The following CDYL variants were observed in gnomAD, a reference collection of about 807,000 sequenced individuals.
The protein encoded by CDYL is chromodomain Y-like protein.
CDYL carries 8 observed loss-of-function variants against 47.3 expected under a neutral mutation model. That is an observed-to-expected ratio of 0.17 (90% confidence interval 0.10 to 0.31). CDYL has a LOEUF of 0.31. CDYL is among the 10% of genes least tolerant of loss of function. CDYL has a pLI of 1.00. For synonymous variants in CDYL, 266 were observed against 265.0 expected (o/e 1.00, Z -0.04); for missense variants, 471 against 701.4 (o/e 0.67, Z 3.71).
chr6:4,923,040 A>G (rs1757763930), intron 2 of CDYL, among the ~76,000 whole-genome samples: 3 of 152,340 alleles, frequency 2.0e-5, no homozygotes, highest in Middle Eastern at 6.8e-3. Context: ...TGTAATGACC[A>G]AATCCATCAC....
intron 2 of CDYL, among the ~76,000 whole-genome samples, chr6:4,903,647 G>T (rs962240493): frequency 6.6e-6 from 1 of 152,188 alleles, no homozygotes; most frequent in African/African-American, 2.4e-5. Context: ...TCTGGCCCCA[G>T]TGGAGCCCCA....
At chr6:4,757,315 G>T (rs776406784) in intron 3 of CDYL, among the ~76,000 whole-genome samples, 1 of 152,040 alleles carries the variant, frequency 6.6e-6, no homozygotes, top group East Asian at 1.9e-4. Flanking sequence ...TTTTTGTGTG[G>T]GTTAACATTT....
chr6:4,724,123 C>T (rs1254180172), intron 2 of CDYL, among the ~76,000 whole-genome samples: 1 of 152,220 alleles, frequency 6.6e-6, no homozygotes, highest in Non-Finnish European at 1.5e-5. Flanking sequence ...TCACTATAAC[C>T]TTGACCTCCT....
At chr6:4,946,812 C>T (rs1581290006) in intron 5 of CDYL, among the ~76,000 whole-genome samples, 2 of 152,144 alleles carry the variant, frequency 1.3e-5, no homozygotes, top group African/African-American at 4.8e-5. Flanking sequence ...ATGGCCCCAC[C>T]GGCTGTGCTG....
At chr6:4,819,112 TTCGTTC>T (rs1759751900) in intron 1 of CDYL, among the ~76,000 whole-genome samples, 1 of 86,430 alleles carries the variant, frequency 1.2e-5, no homozygotes, top group African/African-American at 4.0e-5. Flanking sequence ...TCTTTTTAGG[TTCGTTC>T]TCTCTCTCTC....
chr6:4,867,103 T>C (rs1411071725), intron 1 of CDYL, among the ~76,000 whole-genome samples: 2 of 152,162 alleles, frequency 1.3e-5, no homozygotes, highest in African/African-American at 2.4e-5. Flanking sequence ...ACAGATATCT[T>C]TTTTTGTTCA....
chr6:4,863,146 A>T (rs1761220548), intron 1 of CDYL, among the ~76,000 whole-genome samples: 1 of 152,208 alleles, frequency 6.6e-6, no homozygotes, highest in Non-Finnish European at 1.5e-5. Flanking sequence ...GGAACTAAAC[A>T]GTGGGTACGC....
intron 1 of CDYL, among the ~76,000 whole-genome samples, chr6:4,817,475 C>CT (rs935807023): frequency 2.0e-5 from 3 of 152,136 alleles, no homozygotes; most frequent in Non-Finnish European, 4.4e-5. Flanking sequence ...CGAGCCACCA[C>CT]TAGACAGTAC....
intron 2 of CDYL, chr6:4,734,690 T>C (rs1582294000): frequency 1.3e-6 from 2 of 1,584,828 alleles, no homozygotes; most frequent in Non-Finnish European, 1.7e-6. Context: ...GGGATGGGGA[T>C]GGAGGGAAGA....
chr6:4,870,263 A>G (rs1761436865), intron 1 of CDYL, among the ~76,000 whole-genome samples: 4 of 152,174 alleles, frequency 2.6e-5, no homozygotes, highest in Admixed American at 2.6e-4. Flanking sequence ...ATTTTTGAAG[A>G]ATAGTTTTGC....
intron 5 of CDYL, among the ~76,000 whole-genome samples, chr6:4,946,149 C>T (rs1581289147): frequency 1.3e-5 from 2 of 152,296 alleles, no homozygotes; most frequent in East Asian, 3.9e-4. Flanking sequence ...GTTGAGGCCC[C>T]TCTGGCCAGC....
chr6:4,890,072 C>T (rs913445959), intron 1 of CDYL: 31 of 985,284 alleles, frequency 3.1e-5, no homozygotes, highest in African/African-American at 3.5e-5. Context: ...GGAAAGCAAA[C>T]GGGAATACTC....
chr6:4,788,189 T>C (rs1280138989), intron 1 of CDYL, among the ~76,000 whole-genome samples: 1 of 152,018 alleles, frequency 6.6e-6, no homozygotes, highest in African/African-American at 2.4e-5. Context: ...TTTGGTGAAC[T>C]GTTTAAAAAG....
chr6:4,947,569 G>C (rs1758561996), intron 5 of CDYL, among the ~76,000 whole-genome samples: 1 of 152,138 alleles, frequency 6.6e-6, no homozygotes, highest in African/African-American at 2.4e-5. Context: ...CCTGTGCCAG[G>C]TACTGTGGCT....
chr6:4,716,001 C>T (rs1757250788), intron 2 of CDYL: 2 of 1,432,238 alleles, frequency 1.4e-6, no homozygotes, highest in East Asian at 2.6e-5. Context: ...ATAATCCCAG[C>T]ACTTTGGGAG....
intron 4 of CDYL, among the ~76,000 whole-genome samples, chr6:4,942,308 A>C (rs962954266): frequency 8.7e-5 from 13 of 149,126 alleles, no homozygotes; most frequent in African/African-American, 3.2e-4. Flanking sequence ...AACCCTCCTC[A>C]CCTCCCTGAC....
At chr6:4,789,176 GGT>G (rs1758848354) in intron 1 of CDYL, among the ~76,000 whole-genome samples, 1 of 152,124 alleles carries the variant, frequency 6.6e-6, no homozygotes, top group Non-Finnish European at 1.5e-5. Flanking sequence ...CCTGGGCTCA[GGT>G]GATCTGCCTA....
chr6:4,827,275 T>A (rs1760006560), intron 1 of CDYL, among the ~76,000 whole-genome samples: 1 of 152,238 alleles, frequency 6.6e-6, no homozygotes, highest in Non-Finnish European at 1.5e-5. Context: ...TCAGAAAAGT[T>A]TAATTTACAT....
At chr6:4,895,707 G>C (rs1220103609) in intron 2 of CDYL, among the ~76,000 whole-genome samples, 1 of 152,082 alleles carries the variant, frequency 6.6e-6, no homozygotes, top group Admixed American at 6.5e-5. Flanking sequence ...TCGTGTGTTA[G>C]TTCTTTCAAA....
Sources: allele counts gnomAD v4.1 joint callset (sites outside exome capture counted in the v4.1 genomes callset), GRCh38; gene constraint gnomAD v4.1.1; transcripts MANE v1.5; gene names NCBI Gene and HGNC (gene_info 2026-07-23, HGNC 2026-07-21).